The following GABRA3 variants were observed in gnomAD, a reference collection of about 807,000 sequenced individuals.
GABRA3 encodes gamma-aminobutyric acid type A receptor subunit alpha3.
GABRA3 carries 10 observed loss-of-function variants against 30.1 expected under a neutral mutation model. That is an observed-to-expected ratio of 0.33 (90% CI 0.20 to 0.56). The LOEUF (loss-of-function observed/expected upper bound fraction) is 0.56. Among genes scored for constraint, GABRA3 ranks in the 20% least tolerant of loss-of-function variants. The probability of loss-of-function intolerance (pLI) is 0.89; values close to 1 mark genes in which losing one functional copy is unlikely to be tolerated. For missense variants in GABRA3, 233 were observed against 392.0 expected (o/e 0.59, Z 3.42); for synonymous variants, 151 against 146.8 (o/e 1.03, Z -0.21).
At position 152,368,849 on chromosome X, in the gene GABRA3, GCA is replaced by G. The variant is rs758545159; in HGVS notation, c.-26-4255_-26-4254del. Among the ~76,000 whole-genome samples the G allele has an allele frequency of 3.7e-3, 397 of 108,610 alleles. 1 individual carries two copies. The highest frequency in any genetic ancestry group is 5.7e-3 in the Non-Finnish European group (296 of 52,305). The allele number at this position is 108,610 out of a possible 115,157, so 94.3% of individuals were successfully genotyped here. ...GCCTCCCGAGTAGCTGGGACTACAGGCACCGGCCACCACGCCCAGCTAATTTT... is the reference window on the plus strand; with the variant it reads ...GCCTCCCGAGTAGCTGGGACTACAGGCCGGCCACCACGCCCAGCTAATTTT... On this transcript the variant is annotated intron_variant, in intron 1 of 9. Coordinates refer to ENST00000370314, the MANE Select transcript of GABRA3 (RefSeq NM_000808.4).
At chrX:152,420,466 GA>G (rs1473802140) in intron 1 of GABRA3, among the ~76,000 whole-genome samples, 1 of 110,999 alleles carries the variant, frequency 9.0e-6, no homozygotes, top group African/African-American at 3.3e-5. Context: ...TTTAGAAAGT[GA>G]TTTTTTTTAC....
intron 6 of GABRA3, among the ~76,000 whole-genome samples, chrX:152,210,862 A>T (rs1937622758): frequency 9.0e-6 from 1 of 111,084 alleles, no homozygotes; most frequent in Admixed American, 9.6e-5. Context: ...GGACCTTTAA[A>T]CTATTATCAC....
chrX:152,337,272 G>A (rs1265450973), intron 3 of GABRA3, among the ~76,000 whole-genome samples: 1 of 111,102 alleles, frequency 9.0e-6, no homozygotes, highest in African/African-American at 3.3e-5. Flanking sequence ...GTAAACTAAA[G>A]TCACCCTATT....
At chrX:152,449,927 G>T (rs2124558610) in intron 1 of GABRA3, among the ~76,000 whole-genome samples, 1 of 111,790 alleles carries the variant, frequency 8.9e-6, no homozygotes, top group South Asian at 3.8e-4. Context: ...GTAATTTAAT[G>T]AAGTAATACA....
chrX:152,255,553 G>A (rs1314689943), intron 5 of GABRA3, among the ~76,000 whole-genome samples: 1 of 112,056 alleles, frequency 8.9e-6, no homozygotes, highest in Non-Finnish European at 1.9e-5. Flanking sequence ...GTATACCTCT[G>A]TGTTTCTCAA....
intron 3 of GABRA3, among the ~76,000 whole-genome samples, chrX:152,319,726 G>T (rs756666863): frequency 2.7e-5 from 3 of 111,216 alleles, no homozygotes; most frequent in Non-Finnish European, 5.7e-5. Context: ...AGATAAATAG[G>T]TGGGACTTAA....
intron 3 of GABRA3, among the ~76,000 whole-genome samples, chrX:152,319,628 A>T (rs1939931650): frequency 8.9e-6 from 1 of 111,967 alleles, no homozygotes; most frequent in South Asian, 3.7e-4. Flanking sequence ...AAAAATTCTG[A>T]AAGATGACAT....
chrX:152,333,542 G>A (rs1940192558), intron 3 of GABRA3, among the ~76,000 whole-genome samples: 2 of 111,814 alleles, frequency 1.8e-5, no homozygotes, highest in Non-Finnish European at 3.8e-5. Context: ...TAAGTCAGTA[G>A]AAAAAGGCTT....
intron 5 of GABRA3, chrX:152,251,123 G>A (rs987590330): frequency 3.0e-6 from 1 of 332,115 alleles, no homozygotes; most frequent in African/African-American, 2.7e-5. Context: ...GTGCTACTGT[G>A]TAGGAAACCG....
intron 1 of GABRA3, among the ~76,000 whole-genome samples, chrX:152,399,626 T>C (rs1929744414): frequency 8.9e-6 from 1 of 111,868 alleles, no homozygotes; most frequent in Non-Finnish European, 1.9e-5. Context: ...AGTTTAGGTT[T>C]GATTTTTAGA....
chrX:152,322,026 C>A (rs1337432923), intron 3 of GABRA3, among the ~76,000 whole-genome samples: 1 of 111,968 alleles, frequency 8.9e-6, no homozygotes, highest in African/African-American at 3.2e-5. Context: ...CAAACAAAAG[C>A]TTATACATAA....
At chrX:152,226,154 G>A (rs1277932019) in intron 5 of GABRA3, among the ~76,000 whole-genome samples, 1 of 111,738 alleles carries the variant, frequency 8.9e-6, no homozygotes, top group African/African-American at 3.2e-5. Context: ...TCACATCACA[G>A]TGCTACTGTA....
chrX:152,297,353 C>T (rs907332665), intron 3 of GABRA3, among the ~76,000 whole-genome samples: 2 of 112,237 alleles, frequency 1.8e-5, no homozygotes, highest in African/African-American at 3.2e-5. Context: ...TGCCATCACT[C>T]TCAGCATTCC....
intron 9 of GABRA3, among the ~76,000 whole-genome samples, chrX:152,181,951 T>C (rs1937155169): frequency 9.0e-6 from 1 of 111,032 alleles, no homozygotes; most frequent in Non-Finnish European, 1.9e-5. Context: ...AATACTGTAG[T>C]GAGAGTGGAC....
intron 7 of GABRA3, among the ~76,000 whole-genome samples, chrX:152,204,034 A>C (rs773616857): frequency 3.6e-5 from 4 of 111,840 alleles, no homozygotes; most frequent in Non-Finnish European, 7.5e-5. Context: ...AGTTGGAAGA[A>C]AGAAGGTGAG....
At chrX:152,239,872 T>C (rs1938320365) in intron 5 of GABRA3, among the ~76,000 whole-genome samples, 1 of 103,013 alleles carries the variant, frequency 9.7e-6, no homozygotes, top group South Asian at 4.0e-4. Flanking sequence ...TCCTTTTATT[T>C]TGAGCCTATG....
At chrX:152,243,613 T>C (rs978729061) in intron 5 of GABRA3, among the ~76,000 whole-genome samples, 2 of 111,692 alleles carry the variant, frequency 1.8e-5, no homozygotes, top group African/African-American at 6.5e-5. Flanking sequence ...CAGATGCTAA[T>C]TGAAGCCCTA....
chrX:152,403,464 G>A (rs1017714121), intron 1 of GABRA3, among the ~76,000 whole-genome samples: 2 of 110,373 alleles, frequency 1.8e-5, no homozygotes, highest in Non-Finnish European at 3.8e-5. Context: ...TGGCTATAAT[G>A]GACAACTTTA....
At chrX:152,283,832 A>AT (rs1269317533) in intron 4 of GABRA3, among the ~76,000 whole-genome samples, 1 of 111,783 alleles carries the variant, frequency 8.9e-6, no homozygotes, top group Non-Finnish European at 1.9e-5. Flanking sequence ...CTTCAAACAT[A>AT]TTTTCCCTGA....
Sources: allele counts gnomAD v4.1 joint callset (sites outside exome capture counted in the v4.1 genomes callset), GRCh38; gene constraint gnomAD v4.1.1; transcripts MANE v1.5; gene names NCBI Gene and HGNC (gene_info 2026-07-23, HGNC 2026-07-21).